ILDR2: variants seen among roughly 807,000 people sequenced by gnomAD.
The protein encoded by ILDR2 is immunoglobulin-like domain-containing receptor 2.
In ILDR2, 25 loss-of-function variants were observed where a neutral mutation model predicts 66.8. The observed-to-expected ratio is 0.37, with a 90% CI of 0.27 to 0.52. The LOEUF (loss-of-function observed/expected upper bound fraction) is 0.52. ILDR2 is among the 20% of genes least tolerant of loss of function. ILDR2 has a pLI of 0.88. For missense variants in ILDR2, 827 were observed against 876.8 expected, an observed-to-expected ratio of 0.94 and a Z score of 0.72; for synonymous variants, 367 against 357.2, an observed-to-expected ratio of 1.03 and a Z score of -0.31.
Position 166,958,086 on chromosome 1 carries a change from A to C in ILDR2, c.62T>G (p.Leu21Arg), listed in dbSNP as rs1440025805. ...LFWLTAMVEG[L>R]QVTVPDKKKV... ...CTTCTTGTCGGGCACTGTGACCTGA[A>C]GGCCTTCGACCATGGCTGCAAAACA... is the stretch of plus-strand genomic sequence containing the variant. Residue 21 changes from leucine (L) to arginine (R), a missense_variant, in exon 2 of 10, where the codon CTT (leucine) becomes CGT (arginine). By Grantham distance (102) the Leu-to-Arg change is moderately radical (BLOSUM62 -2). This residue lies in a region of ILDR2 where 437 missense variants were observed against 523.2 expected (regional missense o/e 0.84). Coordinates refer to ENST00000271417, the MANE Select transcript of ILDR2 (RefSeq NM_199351.3). The C allele has an allele frequency of 6.2e-7, 1 of 1,610,400 alleles. No homozygotes were observed.
intron 1 of ILDR2, among the ~76,000 whole-genome samples, chr1:166,966,700 G>A (rs1662973767): frequency 6.6e-6 from 1 of 152,182 alleles, no homozygotes; most frequent in Admixed American, 6.5e-5. Context: ...GAGTTCATAG[G>A]TGTTGTCTAG....
chr1:166,900,705 T>C (rs1659250813), intron 2 of ILDR2, among the ~76,000 whole-genome samples: 1 of 152,182 alleles, frequency 6.6e-6, no homozygotes, highest in East Asian at 1.9e-4. Flanking sequence ...ACTCCTGTAC[T>C]GGTGTGAGAA....
chr1:166,921,401 G>T lies in ILDR2; in HGVS notation c.1212-22C>A, dbSNP rs908984646. On this transcript the variant is annotated intron_variant, in intron 8 of 9. Transcript: ENST00000271417. The surrounding 1 kb of genome is among the most constrained non-coding windows in gnomAD (Gnocchi z 5.3). ...CTGGCTGCGGGCAGAGAAGGAGGGG[G>T]TCAGACGGCCGGTCCCTCCCTGGAG... 1 of 1,528,286 alleles carries T rather than the reference G, an allele frequency of 6.5e-7. No homozygotes were observed. Among genetic ancestry groups the T allele is most frequent in the East Asian group, 2.3e-5 (1 of 43,306 alleles). 94.7% of individuals were successfully genotyped at this position (1,528,286 alleles called of 1,614,324 possible). A position where few individuals can be genotyped will look rare whatever the true frequency, so the allele number is the denominator to read the frequency against.
At chr1:166,908,033 CACTT>C (rs1659380668), downstream of ILDR2, 1 of 152,200 alleles carries the variant, frequency 6.6e-6, no homozygotes. Context: ...GGTGCGTAAA[CACTT>C]ACTTTACACT....
Position 166,916,994 on chromosome 1 carries a change from AC to A in ILDR2, c.*2360del, listed in dbSNP as rs1659668511. 6.6e-6 allele frequency: 1 copy of A among 152,264 alleles called. No homozygotes were observed. Among genetic ancestry groups the A allele is most frequent in the East Asian group, 1.9e-4 (1 of 5,196 alleles). 9.4% of individuals were successfully genotyped at this position (152,264 alleles called of 1,614,324 possible). A position where few individuals can be genotyped will look rare whatever the true frequency, so the allele number is the denominator to read the frequency against. On this transcript the variant is annotated 3_prime_UTR_variant, in exon 10 of 10. Transcript: ENST00000271417. ...TAAAGCGATAATAGCTACCACAGCT[AC>A]CCAATATTCTCCAAAATTGCCTGAG... is the stretch of plus-strand genomic sequence containing the variant.
rs1308501478 is a variant in ILDR2, at chr1:166,935,306, T to A, written c.875A>T (p.His292Leu). Residue 292 changes from histidine to leucine, a missense_variant, in exon 6 of 10, where the codon CAC becomes CTC. Physicochemically the swap from His to Leu is moderately conservative, Grantham distance 99. This residue lies in a region of ILDR2 where 437 missense variants were observed against 523.2 expected (regional missense o/e 0.84). Coordinates refer to ENST00000271417, the MANE Select transcript of ILDR2 (RefSeq NM_199351.3). ...LAPSDSTGGS[H>L]SVRKGYRIQA... ...CAGTCTGGAACTACATTTACCACTG[T>A]GGCTTCCTCCAGTGGAGTCACTTGG... 9.3e-6 allele frequency: 15 copies of A among 1,613,958 alleles called. No individual in the cohort carries two copies. The highest frequency in any genetic ancestry group is 6.8e-6 in the Non-Finnish European group (8 of 1,180,002).
chr1:166,956,309 C>T (rs757779211), intron 3 of ILDR2, among the ~76,000 whole-genome samples: 2 of 152,060 alleles, frequency 1.3e-5, no homozygotes, highest in African/African-American at 2.4e-5. Context: ...GGAGATAATC[C>T]AGTGGGAAAA....
chr1:166,969,642 C>T (rs770612093), intron 1 of ILDR2, among the ~76,000 whole-genome samples: 1 of 152,186 alleles, frequency 6.6e-6, no homozygotes, highest in African/African-American at 2.4e-5. Flanking sequence ...AAACTAACTG[C>T]CATTCTTTCT....
chr1:166,901,164 A>T (rs1180977352), intron 2 of ILDR2, among the ~76,000 whole-genome samples: 1 of 152,168 alleles, frequency 6.6e-6, no homozygotes, highest in Non-Finnish European at 1.5e-5. Context: ...CACTCTGTAT[A>T]TCTAACACAA....
chr1:166,920,684 A>G, intron 9 of ILDR2, 23 bp downstream of exon 9: 1 of 1,364,386 alleles, frequency 7.3e-7, no homozygotes, highest in East Asian at 3.1e-5. Flanking sequence ...CCCTCGGAGG[A>G]GGGGAGGCAG....
chr1:166,938,694 T>C (rs1292205138), intron 4 of ILDR2, among the ~76,000 whole-genome samples: 1 of 152,236 alleles, frequency 6.6e-6, no homozygotes, highest in Admixed American at 6.5e-5. Flanking sequence ...TACCCAGGGA[T>C]ATTTTATATC....
At chr1:166,903,324 G>T (rs1490101594), downstream of ILDR2, among the ~76,000 whole-genome samples, 1 of 152,230 alleles carries the variant, frequency 6.6e-6, no homozygotes, top group East Asian at 1.9e-4. Context: ...AGTTCTCCAT[G>T]AGGTCATTTG....
intron 7 of ILDR2, among the ~76,000 whole-genome samples, chr1:166,924,556 G>A (rs923559836): frequency 4.0e-4 from 61 of 152,322 alleles, no homozygotes; most frequent in African/African-American, 1.4e-3. Context: ...TCTAGGATAG[G>A]GGTAAGCAAA....
chr1:166,928,349 G>A (rs538387389), intron 6 of ILDR2, among the ~76,000 whole-genome samples: 17 of 152,146 alleles, frequency 1.1e-4, no homozygotes, highest in Non-Finnish European at 2.2e-4. Context: ...ACCATATTTG[G>A]GCATCTTGCC....
rs1662670776 is a variant in ILDR2, at chr1:166,962,331, C to T, written c.47-4230G>A. On this transcript the variant is annotated intron_variant, in intron 1 of 9. Transcript: ENST00000271417. ...ACCTTATTTAGAGACTGTTTTTCCA[C>T]CTTGGTATCCTGATTTGCAATCCAG... Among the ~76,000 whole-genome samples, 2 of 152,146 alleles carry T rather than the reference C, an allele frequency of 1.3e-5. 1 individual carries two copies. Among genetic ancestry groups the T allele is most frequent in the South Asian group, 4.1e-4 (2 of 4,826 alleles).
At chr1:166,922,884 G>T in intron 7 of ILDR2, 75 bp from the exon 8 acceptor site, 2 of 1,312,244 alleles carry the variant, frequency 1.5e-6, no homozygotes, top group Non-Finnish European at 1.1e-6. Flanking sequence ...TCCTGTTAAG[G>T]GCTGAGACCC....
At chr1:166,951,611 A>G (rs1661984961) in intron 3 of ILDR2, among the ~76,000 whole-genome samples, 1 of 152,188 alleles carries the variant, frequency 6.6e-6, no homozygotes, top group Non-Finnish European at 1.5e-5. Context: ...TACAATAAGC[A>G]TGTATCTTTT....
In ILDR2 at chr1:166,921,003, C is replaced by G. The variant is rs1274223792; in HGVS notation, c.1588G>C (p.Gly530Arg). 1 of 1,510,154 alleles carries G rather than the reference C, an allele frequency of 6.6e-7. No individual in the cohort carries two copies. Among genetic ancestry groups the G allele is most frequent in the Admixed American group, 2.2e-5 (1 of 45,698 alleles). 93.5% of individuals were successfully genotyped at this position (1,510,154 alleles called of 1,614,324 possible). A position where few individuals can be genotyped will look rare whatever the true frequency, so the allele number is the denominator to read the frequency against. Reference protein sequence around the residue: ...TAPKYDHSYLGSARERQARPE... With the variant: ...TAPKYDHSYLRSARERQARPE... ...CGCGCCTGGCGCTCCCGCGCGCTGC[C>G]CAGGTACGAGTGGTCGTATTTGGGT... The change falls in exon 9 of 10, where the codon GGC becomes CGC. Residue 530 changes from glycine (G) to arginine (R), a missense_variant. Around this residue, in one of 2 missense-constraint regions of ILDR2, gnomAD observed 390 missense variants for 353.6 expected, o/e 1.10. Transcript: ENST00000271417. The surrounding 1 kb of genome is among the most constrained non-coding windows in gnomAD (Gnocchi z 5.3).
chr1:166,921,324 G>A lies in ILDR2; in HGVS notation c.1267C>T (p.Pro423Ser), dbSNP rs755825698. Reference sequence around the variant, plus strand: ...GCCAGCTCGTCCATGGAAACGGCCGGCACCCCCGTGGCGAAGTTCTTCCGC... The same window carrying A: ...GCCAGCTCGTCCATGGAAACGGCCGACACCCCCGTGGCGAAGTTCTTCCGC... ...LSRKNFATGV[P>S]AVSMDELAAF... is the part of the protein sequence containing the mutation. The change falls in exon 9 of 10, where the codon CCG (proline) becomes TCG (serine). Residue 423 changes from proline (P) to serine (S), a missense_variant. Coordinates refer to ENST00000271417, the MANE Select transcript of ILDR2 (RefSeq NM_199351.3). This position sits in a 1 kb window ranked among gnomAD's most constrained non-coding sequence, Gnocchi z 5.3. 1 of 1,588,064 alleles carries A rather than the reference G, an allele frequency of 6.3e-7. No individual in the cohort carries two copies. Among genetic ancestry groups the A allele is most frequent in the Non-Finnish European group, 8.6e-7 (1 of 1,164,438 alleles).
Sources: gnomAD v4.1 joint callset for allele counts (sites outside exome capture counted in the v4.1 genomes callset) on GRCh38, gnomAD v4.1.1 for gene constraint, gnomAD v4.1.1 regional missense constraint, Gnocchi (gnomAD v3.1) non-coding constraint, MANE v1.5 for transcripts, NCBI Gene and HGNC (gene_info 2026-07-23, HGNC 2026-07-21) for gene names.